The following ZNF362 variants were observed in gnomAD, a reference collection of about 807,000 sequenced individuals.
The protein encoded by ZNF362 is zinc finger protein 362.
Under a neutral mutation model 42.9 loss-of-function variants are expected in ZNF362, and 11 were observed. The observed-to-expected ratio is 0.26, with a 90% CI of 0.16 to 0.42. ZNF362 has a LOEUF of 0.42. Ranked by LOEUF, ZNF362 falls within the 20% of genes least tolerant of loss-of-function variation. The pLI is 1.00. For missense variants in ZNF362, 362 were observed against 576.2 expected, an observed-to-expected ratio of 0.63 and a Z score of 3.81; for synonymous variants, 255 against 257.3, an observed-to-expected ratio of 0.99 and a Z score of 0.09.
chr1:33,182,615 TGTGTG>T, the ZNF362 span, among the ~76,000 whole-genome samples: 19 of 151,728 alleles, frequency 1.3e-4, no homozygotes, highest in African/African-American at 4.6e-4. Flanking sequence ...TGTGTGTGTG[TGTGTG>T]TGTGTGTGTG....
At chr1:33,185,517 C>T in the ZNF362 span, among the ~76,000 whole-genome samples, 7 of 152,264 alleles carry the variant, frequency 4.6e-5, no homozygotes, top group African/African-American at 9.6e-5. Flanking sequence ...CCACCGTGCC[C>T]GACCCAGTCT....
intron 1 of ZNF362, among the ~76,000 whole-genome samples, chr1:33,262,458 C>T (rs922150745): frequency 6.6e-6 from 1 of 151,942 alleles, no homozygotes; most frequent in Non-Finnish European, 1.5e-5. Context: ...AGGTGCCCAC[C>T]ACCACGCCCA....
chr1:33,127,826 G>C, the ZNF362 span, among the ~76,000 whole-genome samples: 21 of 152,044 alleles, frequency 1.4e-4, no homozygotes, highest in Non-Finnish European at 2.6e-4. Flanking sequence ...AAATAATCAA[G>C]CGTGCCTACT....
At chr1:33,188,820 C>A in the ZNF362 span, among the ~76,000 whole-genome samples, 1 of 152,178 alleles carries the variant, frequency 6.6e-6, no homozygotes, top group African/African-American at 2.4e-5. Context: ...CTGGATGAAT[C>A]ATCCTATCTA....
chr1:33,168,432 T>C, the ZNF362 span, among the ~76,000 whole-genome samples: 1 of 152,164 alleles, frequency 6.6e-6, no homozygotes, highest in South Asian at 2.1e-4. Context: ...ATGGTGTAAA[T>C]GTTCCCACTC....
At chr1:33,185,420 C>T in the ZNF362 span, among the ~76,000 whole-genome samples, 1 of 152,044 alleles carries the variant, frequency 6.6e-6, no homozygotes, top group Non-Finnish European at 1.5e-5. Flanking sequence ...GGGGGTTTCA[C>T]CATGTTGGCC....
chr1:33,224,639 C>T, the ZNF362 span, among the ~76,000 whole-genome samples: 22 of 151,638 alleles, frequency 1.5e-4, no homozygotes, highest in South Asian at 2.1e-4. Flanking sequence ...TAAGAGATAA[C>T]GATGAAAGAG....
the ZNF362 span, among the ~76,000 whole-genome samples, chr1:33,208,363 G>C: frequency 6.6e-6 from 1 of 152,182 alleles, no homozygotes. Flanking sequence ...CAGGTAGCGT[G>C]ATGCCTCCAG....
the ZNF362 span, among the ~76,000 whole-genome samples, chr1:33,154,808 AAG>A: frequency 8.3e-6 from 1 of 120,292 alleles, no homozygotes. Context: ...CAAAAAAAAA[AAG>A]TGGCCAGGCG....
chr1:33,189,652 T>TATATATGTATATATATAC, the ZNF362 span, among the ~76,000 whole-genome samples: 3 of 20,564 alleles, frequency 1.5e-4, no homozygotes, highest in African/African-American at 2.9e-4. Flanking sequence ...TATATATATA[T>TATATATGTATATATATAC]ATATATATAT....
At chr1:33,290,708 T>A (rs192753575) in intron 6 of ZNF362, among the ~76,000 whole-genome samples, 1 of 151,828 alleles carries the variant, frequency 6.6e-6, no homozygotes, top group African/African-American at 2.4e-5. Flanking sequence ...TATTTCTCCA[T>A]ATCCTCTCCA....
the ZNF362 span, among the ~76,000 whole-genome samples, chr1:33,166,698 G>C: frequency 6.6e-6 from 1 of 152,098 alleles, no homozygotes; most frequent in Non-Finnish European, 1.5e-5. Flanking sequence ...TTGATGCCAG[G>C]TGACACGTTT....
the ZNF362 span, chr1:33,146,409 G>A: frequency 6.2e-6 from 1 of 160,546 alleles, no homozygotes; most frequent in African/African-American, 2.4e-5. Flanking sequence ...CTTGTTCAGA[G>A]CTACTGGGGA....
chr1:33,194,116 G>A, the ZNF362 span, among the ~76,000 whole-genome samples: 1 of 152,188 alleles, frequency 6.6e-6, no homozygotes, highest in African/African-American at 2.4e-5. Context: ...TGCAATAGAT[G>A]TTTTAAAGAG....
At chr1:33,196,491 C>T in the ZNF362 span, among the ~76,000 whole-genome samples, 6 of 152,204 alleles carry the variant, frequency 3.9e-5, no homozygotes, top group Admixed American at 2.6e-4. Context: ...TCCAAGTCCA[C>T]ATCTCGCCCC....
At chr1:33,202,891 A>G in the ZNF362 span, among the ~76,000 whole-genome samples, 28 of 152,300 alleles carry the variant, frequency 1.8e-4, no homozygotes, top group South Asian at 4.1e-4. Flanking sequence ...AATACCTTAA[A>G]TATGATGTTT....
rs1038363393 is a variant in ZNF362 at position 33,270,933 on chromosome 1, C to T, written c.38+321C>T. ...TTGTCAGCATTGGTATGCAGTGGGC[C>T]TCCTGGGCTCCACTGTGGGGGTCAC... On this transcript the variant is annotated intron_variant, in intron 2 of 8. Coordinates refer to ENST00000539719, the MANE Select transcript of ZNF362 (RefSeq NM_152493.3). Among the ~76,000 whole-genome samples the T allele has an allele frequency of 7.9e-5, 12 of 152,146 alleles. 1 individual carries two copies. The highest frequency in any genetic ancestry group is 3.3e-4 in the Admixed American group (5 of 15,280).
intron 4 of ZNF362, 119 bp downstream of exon 4, chr1:33,276,713 A>T: frequency 9.2e-6 from 11 of 1,196,102 alleles, no homozygotes; most frequent in Middle Eastern, 3.2e-4. Context: ...GGCAGGGCCT[A>T]GGGGTAGGGC....
intron 8 of ZNF362, among the ~76,000 whole-genome samples, chr1:33,297,138 G>A (rs7555427): frequency 0.17 from 25,773 of 152,050 alleles, 2,690 homozygotes; most frequent in South Asian, 0.27. Flanking sequence ...GTCAGGAGGC[G>A]AAGAGGACAG....
Sources: gnomAD v4.1 joint callset for allele counts (sites outside exome capture counted in the v4.1 genomes callset) on GRCh38, gnomAD v4.1.1 for gene constraint, MANE v1.5 for transcripts, NCBI Gene and HGNC (gene_info 2026-07-23, HGNC 2026-07-21) for gene names.